Variants in MYH15 observed in about 807,000 individuals in gnomAD.
The protein encoded by MYH15 is myosin-15.
MYH15 carries 227 observed loss-of-function variants against 240.5 expected under a neutral mutation model. The observed-to-expected ratio is 0.94, with a 90% CI of 0.85 to 1.05. The LOEUF is 1.05. Among genes scored for constraint, MYH15 ranks in the 50% least tolerant of loss-of-function variants. The pLI is 0.00. For missense variants in MYH15, 2,217 were observed against 2,247.5 expected, an observed-to-expected ratio of 0.99 and a Z score of 0.27; for synonymous variants, 785 against 796.7, an observed-to-expected ratio of 0.99 and a Z score of 0.25.
the MYH15 span, among the ~76,000 whole-genome samples, chr3:108,546,839 C>T: frequency 3.7e-4 from 57 of 152,152 alleles, 1 homozygote; most frequent in East Asian, 0.011. Flanking sequence ...ATAAACCAAA[C>T]GGGACTCACA....
intron 1 of MYH15, among the ~76,000 whole-genome samples, chr3:108,507,597 C>T (rs1457133306): frequency 6.6e-6 from 1 of 152,110 alleles, no homozygotes; most frequent in Non-Finnish European, 1.5e-5. Context: ...CCATTTGCCC[C>T]TTCTTCCACC....
the MYH15 span, among the ~76,000 whole-genome samples, chr3:108,547,937 G>A: frequency 6.6e-6 from 1 of 152,150 alleles, no homozygotes; most frequent in East Asian, 1.9e-4. Flanking sequence ...TTACACTGAA[G>A]AAACTACTTT....
chr3:108,398,936 T>G, intron 34 of MYH15, 96 bp from the exon 35 acceptor site: 2 of 1,449,272 alleles, frequency 1.4e-6, no homozygotes, highest in Non-Finnish European at 1.9e-6. Flanking sequence ...TATTTAGACA[T>G]AAGCATGCTC....
chr3:108,430,162 T>A (rs1167987785), intron 26 of MYH15, among the ~76,000 whole-genome samples: 1 of 152,234 alleles, frequency 6.6e-6, no homozygotes, highest in Non-Finnish European at 1.5e-5. Flanking sequence ...TGGCTCAAAA[T>A]ATCTCAGAAG....
chr3:108,387,549 G>T (rs2082392929), intron 38 of MYH15, among the ~76,000 whole-genome samples: 1 of 152,114 alleles, frequency 6.6e-6, no homozygotes. Context: ...TATAACTTTG[G>T]TTTTTTGTTC....
intron 14 of MYH15, among the ~76,000 whole-genome samples, chr3:108,467,379 C>T (rs1337280083): frequency 2.0e-5 from 3 of 151,682 alleles, no homozygotes; most frequent in Non-Finnish European, 4.4e-5. Context: ...ACACATAATG[C>T]CAAGATGCTG....
Position 108,410,767 on chromosome 3 carries a change from C to G in MYH15, c.4311G>C (p.Lys1437Asn). The change falls in exon 31 of 41, where the codon AAG (lysine) becomes AAC (asparagine). Residue 1437 changes from lysine to asparagine, a missense_variant. Coordinates refer to ENST00000693548, the MANE Select transcript of MYH15 (RefSeq NM_014981.3). Reference sequence around the variant, plus strand: ...CAAGGGCCTTGCCAGACTGCAGCTGCTTCTGGTCCAGCCTGGCTGCTGCAG... The same window carrying G: ...CAAGGGCCTTGCCAGACTGCAGCTGGTTCTGGTCCAGCCTGGCTGCTGCAG... ...VRSAAARLDQ[K>N]QLQSGKALAD... The G allele has an allele frequency of 6.2e-7, 1 of 1,614,152 alleles. No individual in the cohort carries two copies. Among genetic ancestry groups the G allele is most frequent in the Non-Finnish European group, 8.5e-7 (1 of 1,180,014 alleles).
upstream of MYH15, among the ~76,000 whole-genome samples, chr3:108,530,566 A>T (rs1171041879): frequency 6.6e-6 from 1 of 152,168 alleles, no homozygotes; most frequent in Non-Finnish European, 1.5e-5. Context: ...CCCTAATGTG[A>T]ATTATGGACT....
intron 33 of MYH15, 51 bp from the exon 34 acceptor site, chr3:108,399,318 CA>C (rs756969637): frequency 1.4e-6 from 2 of 1,407,636 alleles, no homozygotes; most frequent in South Asian, 2.5e-5. Flanking sequence ...CCAAATTAAT[CA>C]AATTCACCTG....
At chr3:108,450,760 T>A (rs75441634) in intron 21 of MYH15, among the ~76,000 whole-genome samples, 5 of 152,090 alleles carry the variant, frequency 3.3e-5, no homozygotes, top group African/African-American at 1.2e-4. Flanking sequence ...ATTGTGGTAA[T>A]CATTTCACAA....
intron 9 of MYH15, among the ~76,000 whole-genome samples, chr3:108,489,218 TTGA>T (rs1390637673): frequency 1.3e-5 from 2 of 152,238 alleles, no homozygotes; most frequent in East Asian, 1.9e-4. Flanking sequence ...AGATTCTCTC[TTGA>T]TGATGCACAA....
rs199960886 is a variant in MYH15 at position 108,399,247 on chromosome 3, A to G, written c.4757T>C (p.Ile1586Thr). The G allele has an allele frequency of 9.9e-6, 16 of 1,613,726 alleles. No individual in the cohort carries two copies. The highest frequency in any genetic ancestry group is 2.7e-5 in the African/African-American group (2 of 74,926). The stretch of plus-strand genomic sequence containing the variant: ...ATCCAGACTAGACTGCAGGGAGTCA[A>G]TGGTACACTGCTGCTTCCTCCTAAT... Reference protein sequence around the residue: ...ENFRRKQQCTIDSLQSSLDSE... With the variant: ...ENFRRKQQCTTDSLQSSLDSE... The change falls in exon 34 of 41, where the codon ATT becomes ACT. Residue 1586 changes from isoleucine (I) to threonine (T), a missense_variant. Ile to Thr is a moderately conservative substitution (Grantham distance 89). Transcript: ENST00000693548.
At chr3:108,397,905 C>G (rs560721843) in intron 35 of MYH15, among the ~76,000 whole-genome samples, 2 of 152,254 alleles carry the variant, frequency 1.3e-5, no homozygotes, top group African/African-American at 4.8e-5. Context: ...TCATCCCTCC[C>G]TCCCCAGCAT....
intron 30 of MYH15, among the ~76,000 whole-genome samples, chr3:108,412,194 C>A (rs957843885): frequency 3.3e-5 from 5 of 152,166 alleles, no homozygotes; most frequent in African/African-American, 9.7e-5. Flanking sequence ...TTCCCATAAT[C>A]CCCACATGTC....
At chr3:108,464,504 G>A in intron 15 of MYH15, 134 bp downstream of exon 15, 1 of 916,270 alleles carries the variant, frequency 1.1e-6, no homozygotes, top group Middle Eastern at 2.8e-4. Flanking sequence ...TACCTTTTTT[G>A]TGGAACTGAG....
chr3:108,445,102 T>C (rs1386433323), intron 21 of MYH15, among the ~76,000 whole-genome samples: 1 of 152,206 alleles, frequency 6.6e-6, no homozygotes, highest in Non-Finnish European at 1.5e-5. Flanking sequence ...ATGGACTAGA[T>C]ATCCTAAAAA....
At chr3:108,408,831 T>C (rs764378911) in intron 31 of MYH15, among the ~76,000 whole-genome samples, 5 of 152,148 alleles carry the variant, frequency 3.3e-5, no homozygotes, top group Non-Finnish European at 4.4e-5. Flanking sequence ...GAACTTAAAG[T>C]AAAAGCTGGA....
chr3:108,525,276 A>G (rs1462537466), intron 1 of MYH15, among the ~76,000 whole-genome samples: 4 of 152,120 alleles, frequency 2.6e-5, no homozygotes, highest in African/African-American at 9.7e-5. Context: ...CAGATAGATA[A>G]ATAATGATGA....
In MYH15 at chr3:108,464,775, A is replaced by C; in HGVS notation, c.1594T>G (p.Phe532Val). ...AAAGTCAGGTCTGTAGCCTTAGGAAACATACACTCTTCTTCAAGGATGGAA... is the reference window on the plus strand; with the variant it reads ...AAAGTCAGGTCTGTAGCCTTAGGAACCATACACTCTTCTTCAAGGATGGAA... Reference protein sequence around the residue: ...ILSILEEECMFPKATDLTFKT... With the variant: ...ILSILEEECMVPKATDLTFKT... Residue 532 changes from phenylalanine (F) to valine (V), a missense_variant, in exon 15 of 41, where the codon TTT becomes GTT. Coordinates refer to ENST00000693548, the MANE Select transcript of MYH15 (RefSeq NM_014981.3). 6.2e-7 allele frequency: 1 copy of C among 1,612,964 alleles called. No individual in the cohort carries two copies. Among genetic ancestry groups the C allele is most frequent in the Non-Finnish European group, 8.5e-7 (1 of 1,179,630 alleles).
Sources: gnomAD v4.1 joint callset for allele counts (sites outside exome capture counted in the v4.1 genomes callset) on GRCh38, gnomAD v4.1.1 for gene constraint, MANE v1.5 for transcripts, NCBI Gene and HGNC (gene_info 2026-07-23, HGNC 2026-07-21) for gene names.